Variants in NEURL1 observed in about 807,000 individuals in gnomAD.
NEURL1 encodes E3 ubiquitin-protein ligase NEURL1.
A neutral mutation model predicts 41.2 loss-of-function variants in NEURL1; 26 were observed. The observed-to-expected ratio is 0.63, with a 90% CI of 0.46 to 0.87. NEURL1 has a LOEUF of 0.87. Ranked by LOEUF, NEURL1 falls within the 40% of genes least tolerant of loss-of-function variation. The pLI, the probability that NEURL1 is intolerant of heterozygous loss-of-function variation, is 0.00. For synonymous variants in NEURL1, 400 were observed against 402.3 expected (o/e 0.99, Z 0.07); for missense variants, 761 against 871.1 (o/e 0.87, Z 1.59).
At chr10:103,499,500 C>A (rs2033771143) in intron 1 of NEURL1, among the ~76,000 whole-genome samples, 1 of 140,420 alleles carries the variant, frequency 7.1e-6, no homozygotes, top group Non-Finnish European at 1.5e-5. Flanking sequence ...CTTTTCTTTT[C>A]TTTTCTTTCA....
In NEURL1 at chr10:103,554,000, G is replaced by A. The variant is rs541278717; in HGVS notation, c.86-16872G>A. On this transcript the variant is annotated intron_variant, in intron 1 of 5. Coordinates refer to ENST00000369780, the MANE Select transcript of NEURL1 (RefSeq NM_004210.5). ...CCTGTGACCTGCTGGGTAACCTCAC[G>A]CAAGCTCCTTAGCCTCTCAGAACCT... Among the ~76,000 whole-genome samples the A allele has an allele frequency of 2.6e-5, 4 of 152,326 alleles. No individual in the cohort carries two copies. The South Asian group carries it at 6.2e-4, about 24-fold the overall frequency.
chr10:103,494,459 C>G lies in NEURL1; in HGVS notation c.72C>G (p.Pro24=). The part of the protein sequence containing the change: ...GNPSRAPRGH[P]QNLKDSIGGP... ...CGAGCCGCGCGCCGCGGGGCCACCCCCAGAACCTCAAAGGTAGGCTCCCCG... is the reference window on the plus strand; with the variant it reads ...CGAGCCGCGCGCCGCGGGGCCACCCGCAGAACCTCAAAGGTAGGCTCCCCG... The change falls in exon 1 of 6, where the codon CCC becomes CCG. Residue 24 remains proline, a synonymous_variant. Coordinates refer to ENST00000369780, the MANE Select transcript of NEURL1 (RefSeq NM_004210.5). The G allele has an allele frequency of 6.3e-7, 1 of 1,588,784 alleles. No individual in the cohort carries two copies. Among genetic ancestry groups the G allele is most frequent in the Non-Finnish European group, 8.6e-7 (1 of 1,167,898 alleles).
intron 1 of NEURL1, among the ~76,000 whole-genome samples, chr10:103,562,307 T>C (rs1592224825): frequency 6.6e-6 from 1 of 152,122 alleles, no homozygotes; most frequent in South Asian, 2.1e-4. Context: ...CACTTGAACC[T>C]GGGAGGCGGA....
intron 1 of NEURL1, 199 bp downstream of exon 1, chr10:103,494,671 G>A: frequency 1.8e-6 from 1 of 566,354 alleles, no homozygotes; most frequent in East Asian, 3.2e-5. Flanking sequence ...CGGGGTCTGC[G>A]CAGTTCTGTC....
At chr10:103,560,953 C>T (rs1379108429) in intron 1 of NEURL1, among the ~76,000 whole-genome samples, 3 of 152,234 alleles carry the variant, frequency 2.0e-5, no homozygotes, top group Admixed American at 2.0e-4. Flanking sequence ...TAATGATCTC[C>T]CAGTTTCTGT....
At chr10:103,513,656 A>C (rs1257048209) in intron 1 of NEURL1, among the ~76,000 whole-genome samples, 1 of 151,870 alleles carries the variant, frequency 6.6e-6, no homozygotes, top group African/African-American at 2.4e-5. Flanking sequence ...CCAGACTCAC[A>C]GGGCAAGTTG....
intron 1 of NEURL1, among the ~76,000 whole-genome samples, chr10:103,534,354 T>G (rs999403765): frequency 6.6e-6 from 1 of 152,230 alleles, no homozygotes; most frequent in African/African-American, 2.4e-5. Context: ...ATCCTCACAT[T>G]GATGTCTGTA....
intron 1 of NEURL1, among the ~76,000 whole-genome samples, chr10:103,522,960 G>A (rs79067177): frequency 0.013 from 1,965 of 152,046 alleles, 34 homozygotes; most frequent in African/African-American, 0.044. Flanking sequence ...TGTCTTGCCT[G>A]TATATAATTT....
chr10:103,591,402 T>C lies in NEURL1; in HGVS notation c.*1030T>C, dbSNP rs1346124438. ...CTTTTTCCTCAGTTTAATTAATTTATTTATTTGGTTTGTGGTTTTGGGTTT... is the reference window on the plus strand; with the variant it reads ...CTTTTTCCTCAGTTTAATTAATTTACTTATTTGGTTTGTGGTTTTGGGTTT... On this transcript the variant is annotated 3_prime_UTR_variant, in exon 6 of 6. Coordinates refer to ENST00000369780, the MANE Select transcript of NEURL1 (RefSeq NM_004210.5). 6.6e-6 allele frequency: 1 copy of C among 152,300 alleles called. No individual in the cohort carries two copies. Among genetic ancestry groups the C allele is most frequent in the Admixed American group, 6.5e-5 (1 of 15,288 alleles). The allele number at this position is 152,300 out of a possible 1,614,324, so 9.4% of individuals were successfully genotyped here. A position where few individuals can be genotyped will look rare whatever the true frequency, so the allele number is the denominator to read the frequency against.
intron 1 of NEURL1, among the ~76,000 whole-genome samples, chr10:103,516,186 C>T (rs779682782): frequency 5.8e-5 from 8 of 138,032 alleles, no homozygotes; most frequent in Non-Finnish European, 9.1e-5. Context: ...TGAGACTGCA[C>T]GACTGCACTC....
chr10:103,558,668 C>A lies in NEURL1; in HGVS notation c.86-12204C>A, dbSNP rs539263179. Reference sequence around the variant, plus strand: ...GGTTACACGCTTGATCTCTTCCATTCGGTAGGTTTCCAGAGCTGCTCCTGG... The same window carrying A: ...GGTTACACGCTTGATCTCTTCCATTAGGTAGGTTTCCAGAGCTGCTCCTGG... On this transcript the variant is annotated intron_variant, in intron 1 of 5. Transcript: ENST00000369780. The surrounding 1 kb of genome is among the most constrained non-coding windows in gnomAD (Gnocchi z 4.2). 6.6e-6 allele frequency among the ~76,000 whole-genome samples: 1 copy of A among 152,108 alleles called. No homozygotes were observed. The highest frequency in any genetic ancestry group is 1.5e-5 in the Non-Finnish European group (1 of 68,020).
chr10:103,532,037 A>G (rs1272097782), intron 1 of NEURL1, among the ~76,000 whole-genome samples: 4 of 152,156 alleles, frequency 2.6e-5, no homozygotes, highest in Admixed American at 2.6e-4. Context: ...TTTGCATGGA[A>G]TATCTTTATC....
chr10:103,501,379 G>T (rs899052422), intron 1 of NEURL1, among the ~76,000 whole-genome samples: 2 of 152,050 alleles, frequency 1.3e-5, no homozygotes, highest in African/African-American at 4.8e-5. Flanking sequence ...ACGCTGAAAG[G>T]GCTGGGCGTG....
chr10:103,562,233 A>G (rs1404876928), intron 1 of NEURL1, among the ~76,000 whole-genome samples: 2 of 152,132 alleles, frequency 1.3e-5, no homozygotes, highest in South Asian at 4.1e-4. Context: ...AAATACAAAA[A>G]TTAGCCAGGC....
intron 1 of NEURL1, chr10:103,517,410 C>G (rs72848951): frequency 0.17 from 26,072 of 152,112 alleles, 2,864 homozygotes; most frequent in Non-Finnish European, 0.25. Context: ...CTACTGTGTA[C>G]CAGGCCCTGA....
rs528784347 is a variant in NEURL1 at position 103,519,338 on chromosome 10, G to A, written c.85+24866G>A. Among the ~76,000 whole-genome samples, 3 of 152,374 alleles carry A rather than the reference G, an allele frequency of 2.0e-5. No individual in the cohort carries two copies. The East Asian group carries it at 5.8e-4, about 29-fold the overall frequency. On this transcript the variant is annotated intron_variant, in intron 1 of 5. Transcript: ENST00000369780. ...CCCCTCCCAAAAGAGAGTATGGTCA[G>A]CAGAGTCGTCTTGCTGCTTTGACCA...
chr10:103,565,026 C>T (rs2035388597), intron 1 of NEURL1, among the ~76,000 whole-genome samples: 1 of 152,146 alleles, frequency 6.6e-6, no homozygotes, highest in African/African-American at 2.4e-5. Flanking sequence ...GCGGCCCCAG[C>T]CCTGGTTTAG....
At chr10:103,521,948 G>A (rs2034358641) in intron 1 of NEURL1, among the ~76,000 whole-genome samples, 1 of 148,048 alleles carries the variant, frequency 6.8e-6, no homozygotes, top group South Asian at 2.2e-4. Context: ...TGAAGAGATA[G>A]GGTTGGGGCC....
intron 1 of NEURL1, 46 bp downstream of exon 1, chr10:103,494,518 G>A: frequency 6.8e-7 from 1 of 1,465,204 alleles, no homozygotes; most frequent in Non-Finnish European, 9.1e-7. Context: ...GGCGCAGGTG[G>A]AGGGCCAGGG....
Sources: allele counts gnomAD v4.1 joint callset (sites outside exome capture counted in the v4.1 genomes callset), GRCh38; gene constraint gnomAD v4.1.1; non-coding constraint Gnocchi (gnomAD v3.1); transcripts MANE v1.5; gene names NCBI Gene and HGNC (gene_info 2026-07-23, HGNC 2026-07-21).